Variants in CDK7 observed in about 807,000 individuals in gnomAD.
CDK7 encodes the protein cyclin-dependent kinase 7.
A neutral mutation model predicts 49.1 loss-of-function variants in CDK7; 25 were observed. That is an observed-to-expected ratio of 0.51 (90% CI 0.37 to 0.71). The LOEUF is 0.71. CDK7 is among the 30% of genes least tolerant of loss of function. CDK7 has a pLI of 0.00. For synonymous variants in CDK7, 107 were observed against 140.0 expected (o/e 0.76, Z 1.67); for missense variants, 316 against 411.7 (o/e 0.77, Z 2.01).
intron 2 of CDK7, among the ~76,000 whole-genome samples, chr5:69,249,258 C>G (rs377640842): frequency 6.6e-6 from 1 of 151,960 alleles, no homozygotes; most frequent in African/African-American, 2.4e-5. Context: ...AAGGCTGATG[C>G]GGCTGGACAC....
chr5:69,251,733 A>C (rs1485879273), intron 2 of CDK7, among the ~76,000 whole-genome samples: 1 of 152,002 alleles, frequency 6.6e-6, no homozygotes, highest in Non-Finnish European at 1.5e-5. Context: ...AGGTCTTGCT[A>C]TGTTGCCCAG....
intron 1 of CDK7, 57 bp downstream of exon 1, chr5:69,235,098 C>T (rs1748863077): frequency 2.6e-6 from 4 of 1,512,956 alleles, no homozygotes; most frequent in African/African-American, 1.4e-5. Context: ...GCGCCGCCTC[C>T]ACCTTTGCGG....
At chr5:69,249,989 A>C (rs986318954) in intron 2 of CDK7, among the ~76,000 whole-genome samples, 6 of 152,106 alleles carry the variant, frequency 3.9e-5, no homozygotes, top group Non-Finnish European at 8.8e-5. Flanking sequence ...TGTTATCTTG[A>C]ATTTCTTTGA....
upstream of CDK7, chr5:69,234,834 C>T (rs1447307455): frequency 4.9e-6 from 4 of 814,818 alleles, no homozygotes; most frequent in East Asian, 2.7e-5. Flanking sequence ...CTTCCTCCGC[C>T]CACCACGGAA....
chr5:69,249,321 AC>A (rs1343431446), intron 2 of CDK7, among the ~76,000 whole-genome samples: 2 of 151,354 alleles, frequency 1.3e-5, no homozygotes. Context: ...TGGGTGGATC[AC>A]TTGAGCTCAG....
At chr5:69,250,941 T>G (rs1208787367) in intron 2 of CDK7, 1 of 453,132 alleles carries the variant, frequency 2.2e-6, no homozygotes, top group Admixed American at 2.4e-5. Context: ...TTTTTTTGTT[T>G]GTTAGAAGTA....
chr5:69,252,576 C>T (rs1200380730), intron 3 of CDK7, 125 bp downstream of exon 3: 30 of 604,440 alleles, frequency 5.0e-5, no homozygotes, highest in Non-Finnish European at 7.0e-5. Context: ...GAGACACAAT[C>T]GTAGCTCACT....
intron 2 of CDK7, among the ~76,000 whole-genome samples, chr5:69,237,176 C>T (rs892515969): frequency 6.6e-6 from 1 of 151,946 alleles, no homozygotes; most frequent in Non-Finnish European, 1.5e-5. Context: ...CCATAGCTCA[C>T]TGCAGCCACC....
chr5:69,267,292 CTTTTTTTTTTTTTTT>C (rs71612523), intron 8 of CDK7, among the ~76,000 whole-genome samples: 4 of 91,076 alleles, frequency 4.4e-5, no homozygotes, highest in Non-Finnish European at 6.3e-5. Context: ...ATAAGGATTC[CTTTTTTTTTTTTTTT>C]TTTTTTTTTT....
intron 6 of CDK7, among the ~76,000 whole-genome samples, chr5:69,258,497 C>T (rs1271919576): frequency 2.6e-5 from 4 of 151,310 alleles, no homozygotes; most frequent in African/African-American, 9.7e-5. Flanking sequence ...TCTCCTGCCT[C>T]AGCCTCCCGA....
intron 2 of CDK7, among the ~76,000 whole-genome samples, chr5:69,251,087 G>GC (rs1561355327): frequency 6.8e-6 from 1 of 147,450 alleles, no homozygotes; most frequent in Non-Finnish European, 1.5e-5. Context: ...ATGCAACCAT[G>GC]CCCCGGTAAC....
At chr5:69,244,500 A>G (rs369241792) in intron 2 of CDK7, among the ~76,000 whole-genome samples, 3 of 152,110 alleles carry the variant, frequency 2.0e-5, no homozygotes, top group African/African-American at 7.2e-5. Flanking sequence ...GCCAGGCATG[A>G]TGGCGCATGC....
Position 69,235,226 on chromosome 5 carries a change from C to A in CDK7, c.67-168C>A. On this transcript the variant is annotated intron_variant, in intron 1 of 11. Transcript: ENST00000256443. ...GGGGGTGAATCCCTGAGGGGCCTCTCCTTGCTGAAGAGTAGCCTGGAGCTG... is the reference window on the plus strand; with the variant it reads ...GGGGGTGAATCCCTGAGGGGCCTCTACTTGCTGAAGAGTAGCCTGGAGCTG... The A allele has an allele frequency of 5.3e-6, 4 of 757,076 alleles. No individual in the cohort carries two copies. In the South Asian group the frequency reaches 6.3e-5, roughly 12 times the overall value. The allele number at this position is 757,076 out of a possible 1,614,324, so 46.9% of individuals were successfully genotyped here. A position where few individuals can be genotyped will look rare whatever the true frequency, so the allele number is the denominator to read the frequency against.
At position 69,234,895 on chromosome 5, in the gene CDK7, T is replaced by C. The variant is rs557911953; in HGVS notation, c.-81T>C. The C allele has an allele frequency of 7.3e-5, 101 of 1,383,134 alleles. No homozygotes were observed. In the African/African-American group the frequency reaches 1.2e-3, roughly 17 times the overall value. 85.7% of individuals were successfully genotyped at this position (1,383,134 alleles called of 1,614,324 possible). On this transcript the variant is annotated 5_prime_UTR_variant, in exon 1 of 12. Transcript: ENST00000256443. ...GAGCCCGGTGGACGGAAGTGGGTGT[T>C]GGAGGCTTTAAGGTAGCTTTAAATT...
At chr5:69,241,361 C>A (rs1749372472) in intron 2 of CDK7, among the ~76,000 whole-genome samples, 1 of 134,298 alleles carries the variant, frequency 7.4e-6, no homozygotes, top group Non-Finnish European at 1.5e-5. Flanking sequence ...TGCTCTGTCA[C>A]CCAGGCTGGA....
chr5:69,248,739 G>A (rs1296623531), intron 2 of CDK7, among the ~76,000 whole-genome samples: 1 of 150,622 alleles, frequency 6.6e-6, no homozygotes, highest in Non-Finnish European at 1.5e-5. Flanking sequence ...TAAATATGTT[G>A]AGGTAGTCTT....
At chr5:69,254,561 A>T (rs1580302303) in intron 3 of CDK7, 41 bp from the exon 4 acceptor site, 6 of 872,846 alleles carry the variant, frequency 6.9e-6, no homozygotes, top group East Asian at 2.4e-5. Flanking sequence ...AAGGTTTGAG[A>T]TTTCAGAATT....
chr5:69,237,494 A>G (rs1195019960), intron 2 of CDK7, among the ~76,000 whole-genome samples: 2 of 152,078 alleles, frequency 1.3e-5, no homozygotes, highest in African/African-American at 2.4e-5. Flanking sequence ...TTCCAGCTAC[A>G]TGTATGCCTC....
In CDK7 at chr5:69,259,853, T is replaced by A. The variant is rs778262760; in HGVS notation, c.444T>A (p.Asn148Lys). ...CAAACAACTTGTTGCTAGATGAAAATGGAGTTCTAAAACTGGCAGATTTTG... is the reference window on the plus strand; with the variant it reads ...CAAACAACTTGTTGCTAGATGAAAAAGGAGTTCTAAAACTGGCAGATTTTG... ...LKPNNLLLDE[N>K]GVLKLADFGL... The change falls in exon 7 of 12, where the codon AAT becomes AAA. Residue 148 changes from asparagine to lysine, a missense_variant. Physicochemically the swap from Asn to Lys is moderately conservative, Grantham distance 94. Coordinates refer to ENST00000256443, the MANE Select transcript of CDK7 (RefSeq NM_001799.4). 2 of 1,614,086 alleles carry A rather than the reference T, an allele frequency of 1.2e-6. No individual in the cohort carries two copies. The highest frequency in any genetic ancestry group is 4.5e-5 in the East Asian group (2 of 44,876).
Sources: allele counts gnomAD v4.1 joint callset (sites outside exome capture counted in the v4.1 genomes callset), GRCh38; gene constraint gnomAD v4.1.1; transcripts MANE v1.5; gene names NCBI Gene and HGNC (gene_info 2026-07-23, HGNC 2026-07-21).